The following AHCYL2 variants were observed in gnomAD, a reference collection of about 807,000 sequenced individuals.
The protein encoded by AHCYL2 is S-adenosylhomocysteine hydrolase-like protein 2.
In AHCYL2, 28 loss-of-function variants were observed where a neutral mutation model predicts 81.4. The observed-to-expected ratio is 0.34, with a 90% CI of 0.25 to 0.47. The LOEUF (loss-of-function observed/expected upper bound fraction) is 0.47, where lower values mean the gene tolerates loss of function less well. Ranked by LOEUF, AHCYL2 falls within the 20% of genes least tolerant of loss-of-function variation. The probability of loss-of-function intolerance (pLI) is 1.00; values close to 1 mark genes in which losing one functional copy is unlikely to be tolerated. For synonymous variants in AHCYL2, 272 were observed against 290.2 expected (o/e 0.94, Z 0.64); for missense variants, 551 against 785.1 (o/e 0.70, Z 3.56).
At chr7:129,292,529 G>A (rs1198809033) in intron 1 of AHCYL2, among the ~76,000 whole-genome samples, 1 of 152,200 alleles carries the variant, frequency 6.6e-6, no homozygotes, top group African/African-American at 2.4e-5. Flanking sequence ...CACTTTGGGA[G>A]TCTGAGACAG....
intron 1 of AHCYL2, among the ~76,000 whole-genome samples, chr7:129,242,210 A>G (rs1794884229): frequency 6.6e-6 from 1 of 152,134 alleles, no homozygotes; most frequent in African/African-American, 2.4e-5. Flanking sequence ...ACTACAGTTT[A>G]CACATTCATC....
Position 129,227,714 on chromosome 7 carries a change from AAC to A in AHCYL2, c.363+2276_363+2277del, listed in dbSNP as rs1170479811. 3.3e-5 allele frequency among the ~76,000 whole-genome samples: 5 copies of A among 152,060 alleles called. No individual in the cohort carries two copies. The South Asian group carries it at 1.0e-3, about 32-fold the overall frequency. ...TTCTTGACCACTTTCCTTGTCGTTGAACCATCTTCCTGTTTTTTCAGCACCAA... is the reference window on the plus strand; with the variant it reads ...TTCTTGACCACTTTCCTTGTCGTTGACATCTTCCTGTTTTTTCAGCACCAA... On this transcript the variant is annotated intron_variant, in intron 1 of 16. Coordinates refer to ENST00000325006, the MANE Select transcript of AHCYL2 (RefSeq NM_015328.4).
At chr7:129,392,598 C>G (rs1795522843) in intron 4 of AHCYL2, among the ~76,000 whole-genome samples, 1 of 152,200 alleles carries the variant, frequency 6.6e-6, no homozygotes, top group African/African-American at 2.4e-5. Flanking sequence ...AACATACATT[C>G]AGACCATAGC....
Position 129,277,636 on chromosome 7 carries a change from A to G in AHCYL2, c.363+52197A>G, listed in dbSNP as rs111725270. Reference sequence around the variant, plus strand: ...AGGCAATCACTGATCTGCTTCATATAATAATAGAGTCTGCATTTTCTAGGC... The same window carrying G: ...AGGCAATCACTGATCTGCTTCATATGATAATAGAGTCTGCATTTTCTAGGC... On this transcript the variant is annotated intron_variant, in intron 1 of 16. Transcript: ENST00000325006. 6.4e-3 allele frequency among the ~76,000 whole-genome samples: 981 copies of G among 152,192 alleles called. 11 individuals carry two copies. Among genetic ancestry groups the G allele is most frequent in the African/African-American group, 0.022 (932 of 41,528 alleles).
intron 1 of AHCYL2, among the ~76,000 whole-genome samples, chr7:129,336,416 G>T (rs1362834443): frequency 6.6e-6 from 1 of 152,072 alleles, no homozygotes; most frequent in African/African-American, 2.4e-5. Context: ...CCAAGCAAAA[G>T]AAATGTGTTT....
At chr7:129,276,884 T>C (rs1307396142) in intron 1 of AHCYL2, among the ~76,000 whole-genome samples, 1 of 151,922 alleles carries the variant, frequency 6.6e-6, no homozygotes, top group Non-Finnish European at 1.5e-5. Context: ...ACCACTAAGA[T>C]TGAACAAGAA....
At chr7:129,318,696 T>C (rs1357323711) in intron 1 of AHCYL2, among the ~76,000 whole-genome samples, 1 of 151,964 alleles carries the variant, frequency 6.6e-6, no homozygotes, top group East Asian at 1.9e-4. Flanking sequence ...CCTAGTAAAG[T>C]ACTAAAAGAA....
chr7:129,330,662 C>T (rs1169157276), intron 1 of AHCYL2, among the ~76,000 whole-genome samples: 2 of 151,756 alleles, frequency 1.3e-5, no homozygotes, highest in Non-Finnish European at 2.9e-5. Flanking sequence ...GAGGTTTCAC[C>T]GTGTTAGCCA....
chr7:129,426,583 A>C lies in AHCYL2; in HGVS notation c.1829+20A>C, dbSNP rs1227215126. 6 of 1,610,540 alleles carry C rather than the reference A, an allele frequency of 3.7e-6. No homozygotes were observed. The highest frequency in any genetic ancestry group is 1.3e-5 in the African/African-American group (1 of 74,810). On this transcript the variant is annotated intron_variant, in intron 16 of 16. Transcript: ENST00000325006. This position sits in a 1 kb window ranked among gnomAD's most constrained non-coding sequence, Gnocchi z 4.3. ...CTACAGGTGCCTTGGGCTCCCCAGAAATCAGGGACACCTGGGCAGTGATGA... is the reference window on the plus strand; with the variant it reads ...CTACAGGTGCCTTGGGCTCCCCAGACATCAGGGACACCTGGGCAGTGATGA...
At chr7:129,262,075 ATTG>A (rs1384128637) in intron 1 of AHCYL2, among the ~76,000 whole-genome samples, 1 of 152,110 alleles carries the variant, frequency 6.6e-6, no homozygotes, top group Admixed American at 6.5e-5. Flanking sequence ...ATAAGCTTAT[ATTG>A]ATATTCTATT....
At position 129,427,237 on chromosome 7, in the gene AHCYL2, T is replaced by C. The variant is rs933464899; in HGVS notation, c.*192T>C. On this transcript the variant is annotated 3_prime_UTR_variant, in exon 17 of 17. Transcript: ENST00000325006. The surrounding 1 kb of genome is among the most constrained non-coding windows in gnomAD (Gnocchi z 5.5). ...TAGTGTTGGCCCAGAGTGTGGTTAC[T>C]GCCCTGAGGGCCATGAAAGCCACAG... 14 of 566,122 alleles carry C rather than the reference T, an allele frequency of 2.5e-5. No individual in the cohort carries two copies. Among genetic ancestry groups the C allele is most frequent in the Admixed American group, 3.5e-5 (1 of 28,700 alleles). The allele number at this position is 566,122 out of a possible 1,614,324, so 35.1% of individuals were successfully genotyped here.
chr7:129,318,992 G>A (rs565909291), intron 1 of AHCYL2, among the ~76,000 whole-genome samples: 1 of 152,116 alleles, frequency 6.6e-6, no homozygotes, highest in Non-Finnish European at 1.5e-5. Context: ...TAAAAGACAA[G>A]TGAGAAACTG....
At chr7:129,262,227 G>A (rs1406185687) in intron 1 of AHCYL2, among the ~76,000 whole-genome samples, 1 of 152,162 alleles carries the variant, frequency 6.6e-6, no homozygotes, top group Non-Finnish European at 1.5e-5. Context: ...CGCTGGCCAG[G>A]ATCAGAAAAC....
rs532598530 is a variant in AHCYL2, at chr7:129,385,899, G to A, written c.476-3157G>A. ...GTTGGGTTTCTCTAAATTTTCCTAG[G>A]AACAGTCCTTAATACTATCTCAACT... is the stretch of plus-strand genomic sequence containing the variant. On this transcript the variant is annotated intron_variant, in intron 2 of 16. Coordinates refer to ENST00000325006, the MANE Select transcript of AHCYL2 (RefSeq NM_015328.4). Among the ~76,000 whole-genome samples the A allele has an allele frequency of 1.2e-4, 19 of 152,168 alleles. No homozygotes were observed. The Middle Eastern group carries it at 0.01, about 82-fold the overall frequency.
chr7:129,322,102 C>A (rs1798056098), intron 1 of AHCYL2, among the ~76,000 whole-genome samples: 1 of 134,728 alleles, frequency 7.4e-6, no homozygotes, highest in Non-Finnish European at 1.6e-5. Context: ...GCCTTCTGGG[C>A]CAGGTTTTGT....
At chr7:129,310,137 A>G (rs1235706652) in intron 1 of AHCYL2, among the ~76,000 whole-genome samples, 2 of 152,010 alleles carry the variant, frequency 1.3e-5, no homozygotes, top group African/African-American at 2.4e-5. Context: ...ACTTAATAAC[A>G]TCATTTATAT....
intron 1 of AHCYL2, among the ~76,000 whole-genome samples, chr7:129,302,214 T>C (rs1797280099): frequency 6.6e-6 from 1 of 152,234 alleles, no homozygotes; most frequent in Non-Finnish European, 1.5e-5. Context: ...TAGTGACTTT[T>C]GTGTGTTGAT....
intron 1 of AHCYL2, among the ~76,000 whole-genome samples, chr7:129,292,129 G>A (rs190376815): frequency 2.2e-4 from 33 of 152,200 alleles, no homozygotes; most frequent in Admixed American, 1.9e-3. Flanking sequence ...AACATTTTTA[G>A]TAGGACTACT....
At chr7:129,346,185 C>T (rs1793356643) in intron 1 of AHCYL2, among the ~76,000 whole-genome samples, 1 of 151,988 alleles carries the variant, frequency 6.6e-6, no homozygotes, top group Non-Finnish European at 1.5e-5. Flanking sequence ...AGTATTGTGT[C>T]TCCTTTTTCA....
Sources: allele counts gnomAD v4.1 joint callset (sites outside exome capture counted in the v4.1 genomes callset), GRCh38; gene constraint gnomAD v4.1.1; non-coding constraint Gnocchi (gnomAD v3.1); transcripts MANE v1.5; gene names NCBI Gene and HGNC (gene_info 2026-07-23, HGNC 2026-07-21).